The following TTLL11 variants were observed in gnomAD, a reference collection of about 807,000 sequenced individuals.
TTLL11 encodes the protein tubulin polyglutamylase TTLL11.
In TTLL11, 42 loss-of-function variants were observed where a neutral mutation model predicts 51.7. The ratio of observed to expected loss-of-function variants is 0.81; its 90% CI spans 0.64 to 1.05. TTLL11 has a LOEUF of 1.05. Ranked by LOEUF, TTLL11 falls within the 50% of genes least tolerant of loss-of-function variation. TTLL11 has a pLI of 0.00. For synonymous variants in TTLL11, 381 were observed against 383.5 expected, an observed-to-expected ratio of 0.99 and a Z score of 0.08; for missense variants, 799 against 940.4, an observed-to-expected ratio of 0.85 and a Z score of 1.97.
intron 6 of TTLL11, among the ~76,000 whole-genome samples, 180 bp from the exon 7 acceptor site, chr9:121,870,928 C>T (rs1838335712): frequency 6.6e-6 from 1 of 152,136 alleles, no homozygotes; most frequent in South Asian, 2.1e-4. Flanking sequence ...CAAGCCAGGA[C>T]ATGAAACCAA....
chr9:121,912,059 G>C (rs1840143275), intron 6 of TTLL11, among the ~76,000 whole-genome samples: 1 of 152,198 alleles, frequency 6.6e-6, no homozygotes, highest in Non-Finnish European at 1.5e-5. Context: ...AGAAGCCCTG[G>C]CCTGGGCATT....
intron 1 of TTLL11, among the ~76,000 whole-genome samples, chr9:122,069,837 C>T (rs1288303621): frequency 6.6e-6 from 1 of 151,954 alleles, no homozygotes; most frequent in African/African-American, 2.4e-5. Flanking sequence ...ACAGCCTTTC[C>T]TAGAAGGAGG....
chr9:121,928,272 T>C (rs181890938), intron 6 of TTLL11, among the ~76,000 whole-genome samples: 1 of 152,314 alleles, frequency 6.6e-6, no homozygotes, highest in Admixed American at 6.5e-5. Context: ...AACAGCTTTA[T>C]TGGGATGTAA....
At chr9:121,905,194 GGC>G (rs1839900335) in intron 6 of TTLL11, among the ~76,000 whole-genome samples, 2 of 151,966 alleles carry the variant, frequency 1.3e-5, no homozygotes, top group Non-Finnish European at 2.9e-5. Flanking sequence ...GAACTATATA[GGC>G]AAGAGAACAA....
At chr9:121,870,839 C>G (rs1290697293) in intron 6 of TTLL11, 91 bp from the exon 7 acceptor site, 2 of 1,377,892 alleles carry the variant, frequency 1.5e-6, no homozygotes, top group Non-Finnish European at 1.9e-6. Flanking sequence ...GGCAGCATTA[C>G]CAGCATTTTT....
rs1442247148 is a variant in TTLL11 at position 121,822,557 on chromosome 9, C to T, written c.*30G>A. On this transcript the variant is annotated 3_prime_UTR_variant, in exon 9 of 9. Coordinates refer to ENST00000321582, the MANE Select transcript of TTLL11 (RefSeq NM_001139442.2). This position sits in a 1 kb window ranked among gnomAD's most constrained non-coding sequence, Gnocchi z 5.8. ...CTCCAGCCCTGAAAGCTGCTCTCGTCTTCCGTTTTCCAGGAGGACAGAGTG... is the reference window on the plus strand; with the variant it reads ...CTCCAGCCCTGAAAGCTGCTCTCGTTTTCCGTTTTCCAGGAGGACAGAGTG... 1.3e-5 allele frequency: 18 copies of T among 1,426,856 alleles called. No individual in the cohort carries two copies. The highest frequency in any genetic ancestry group is 5.3e-5 in the East Asian group (2 of 37,672). The allele number at this position is 1,426,856 out of a possible 1,614,324, so 88.4% of individuals were successfully genotyped here. A position where few individuals can be genotyped will look rare whatever the true frequency, so the allele number is the denominator to read the frequency against.
intron 1 of TTLL11, among the ~76,000 whole-genome samples, chr9:122,059,509 C>G (rs558492302): frequency 6.6e-6 from 1 of 152,272 alleles, no homozygotes; most frequent in African/African-American, 2.4e-5. Flanking sequence ...CAAAATGACT[C>G]TAGAGATGAA....
chr9:122,020,094 C>A (rs1183440270), intron 3 of TTLL11, among the ~76,000 whole-genome samples: 3 of 152,212 alleles, frequency 2.0e-5, no homozygotes, highest in African/African-American at 7.2e-5. Flanking sequence ...CAAACTAATA[C>A]AAGCTGTAAG....
chr9:122,044,865 T>C (rs1844957055), intron 1 of TTLL11, among the ~76,000 whole-genome samples: 1 of 151,954 alleles, frequency 6.6e-6, no homozygotes, highest in South Asian at 2.1e-4. Context: ...ATCACAGCAC[T>C]TTGGGAGGCT....
intron 8 of TTLL11, among the ~76,000 whole-genome samples, chr9:121,854,082 C>A (rs76332706): frequency 0.017 from 2,641 of 152,164 alleles, 81 homozygotes; most frequent in African/African-American, 0.06. Flanking sequence ...CACTTTACAC[C>A]TGATGAACTT....
chr9:122,055,203 G>GGATAGATAGATAGATGATA (rs1845258994), intron 1 of TTLL11, among the ~76,000 whole-genome samples: 1 of 144,652 alleles, frequency 6.9e-6, no homozygotes, highest in Non-Finnish European at 1.5e-5. Flanking sequence ...AGGACTAATA[G>GGATAGATAGATAGATGATA]GATAGATAGA....
intron 1 of TTLL11, among the ~76,000 whole-genome samples, chr9:122,081,943 A>C (rs1360900105): frequency 2.6e-5 from 4 of 152,256 alleles, no homozygotes; most frequent in Non-Finnish European, 5.9e-5. Context: ...AGCAAGACAA[A>C]TGACAAATTA....
chr9:121,984,532 C>T (rs926884474), intron 4 of TTLL11, among the ~76,000 whole-genome samples: 1 of 152,056 alleles, frequency 6.6e-6, no homozygotes, highest in Non-Finnish European at 1.5e-5. Flanking sequence ...GCTAGAGGTG[C>T]CAGGGTTAGC....
chr9:121,854,284 G>A (rs111883307), intron 8 of TTLL11, among the ~76,000 whole-genome samples: 2,461 of 152,222 alleles, frequency 0.016, 73 homozygotes, highest in African/African-American at 0.056. Flanking sequence ...TGGAAGAAAT[G>A]TTTCTTATTT....
At chr9:121,959,427 C>T (rs888196932) in intron 6 of TTLL11, among the ~76,000 whole-genome samples, 2 of 152,154 alleles carry the variant, frequency 1.3e-5, no homozygotes, top group Admixed American at 6.5e-5. Flanking sequence ...TTCATCAGGC[C>T]CTCACAAAGC....
chr9:122,018,011 CT>C (rs1844041127), intron 3 of TTLL11, among the ~76,000 whole-genome samples: 1 of 151,328 alleles, frequency 6.6e-6, no homozygotes, highest in South Asian at 2.1e-4. Context: ...AGAATGGGGA[CT>C]TTTTTCTACT....
At chr9:122,007,186 T>C (rs1843680796) in intron 3 of TTLL11, among the ~76,000 whole-genome samples, 2 of 151,958 alleles carry the variant, frequency 1.3e-5, no homozygotes, top group African/African-American at 4.8e-5. Context: ...TAAGCACACC[T>C]GGCACTCATG....
intron 6 of TTLL11, among the ~76,000 whole-genome samples, chr9:121,872,835 A>T (rs964723330): frequency 6.6e-6 from 1 of 152,210 alleles, no homozygotes; most frequent in Non-Finnish European, 1.5e-5. Context: ...TCCCACAAAG[A>T]GGAGAGTCCT....
intron 6 of TTLL11, among the ~76,000 whole-genome samples, chr9:121,911,498 G>C (rs1421757900): frequency 6.6e-6 from 1 of 152,130 alleles, no homozygotes; most frequent in East Asian, 1.9e-4. Flanking sequence ...TATGTTTATT[G>C]CAACACTATT....
Sources: allele counts gnomAD v4.1 joint callset (sites outside exome capture counted in the v4.1 genomes callset), GRCh38; gene constraint gnomAD v4.1.1; non-coding constraint Gnocchi (gnomAD v3.1); transcripts MANE v1.5; gene names NCBI Gene and HGNC (gene_info 2026-07-23, HGNC 2026-07-21).